Variants in PTPRM observed in about 807,000 individuals in gnomAD.
PTPRM encodes protein tyrosine phosphatase receptor type M, also known as receptor-type tyrosine-protein phosphatase mu.
Under a neutral mutation model 186.7 loss-of-function variants are expected in PTPRM, and 47 were observed. The ratio of observed to expected loss-of-function variants is 0.25; its 90% confidence interval spans 0.20 to 0.32. The LOEUF is 0.32. PTPRM is among the 10% of genes least tolerant of loss of function. PTPRM has a pLI of 1.00. For missense variants in PTPRM, 1,494 were observed against 1,865.0 expected, an observed-to-expected ratio of 0.80 and a Z score of 3.66; for synonymous variants, 668 against 674.9, an observed-to-expected ratio of 0.99 and a Z score of 0.16.
chr18:7,894,139 G>A (rs1262263451), intron 3 of PTPRM, among the ~76,000 whole-genome samples: 1 of 152,190 alleles, frequency 6.6e-6, no homozygotes, highest in African/African-American at 2.4e-5. Context: ...GATGCCTGTT[G>A]TAGTCTGATG....
intron 11 of PTPRM, among the ~76,000 whole-genome samples, chr18:8,094,546 A>C (rs1192631819): frequency 1.3e-5 from 2 of 152,164 alleles, no homozygotes; most frequent in Non-Finnish European, 2.9e-5. Context: ...CAGCCTGGGC[A>C]ACAAATTGAG....
intron 14 of PTPRM, among the ~76,000 whole-genome samples, chr18:8,189,334 A>G (rs1196045637): frequency 2.0e-5 from 3 of 152,022 alleles, no homozygotes; most frequent in Middle Eastern, 3.4e-3. Context: ...AAATGAAGAA[A>G]ACATCCCCTG....
chr18:7,743,393 A>G (rs2040921934), intron 1 of PTPRM, among the ~76,000 whole-genome samples: 1 of 152,222 alleles, frequency 6.6e-6, no homozygotes, highest in South Asian at 2.1e-4. Flanking sequence ...AGTCTTTCAC[A>G]ACAGTCTGAG....
chr18:7,836,231 G>A (rs1426127013), intron 2 of PTPRM, among the ~76,000 whole-genome samples: 1 of 151,956 alleles, frequency 6.6e-6, no homozygotes, highest in African/African-American at 2.4e-5. Flanking sequence ...ACCATTTAGT[G>A]TCTGGCTTTT....
intron 7 of PTPRM, among the ~76,000 whole-genome samples, chr18:7,984,628 C>T (rs1487611650): frequency 2.2e-5 from 3 of 133,714 alleles, no homozygotes; most frequent in Non-Finnish European, 4.7e-5. Context: ...CACACACACA[C>T]AAACCCCCAT....
intron 13 of PTPRM, among the ~76,000 whole-genome samples, chr18:8,121,441 T>C (rs2092168881): frequency 6.6e-6 from 1 of 152,230 alleles, no homozygotes; most frequent in Non-Finnish European, 1.5e-5. Flanking sequence ...TTTAATTTTC[T>C]ATTTTTTTTA....
chr18:8,055,243 C>G (rs1189445401), intron 7 of PTPRM, among the ~76,000 whole-genome samples: 1 of 152,146 alleles, frequency 6.6e-6, no homozygotes, highest in Non-Finnish European at 1.5e-5. Flanking sequence ...TGTTCTACTT[C>G]TGGAATGCCA....
In PTPRM at chr18:8,174,515, A is replaced by G. The variant is rs531475647; in HGVS notation, c.2300+30736A>G. 3.9e-5 allele frequency among the ~76,000 whole-genome samples: 6 copies of G among 152,320 alleles called. No individual in the cohort carries two copies. In the South Asian group the frequency reaches 1.2e-3, roughly 32 times the overall value. Reference sequence around the variant, plus strand: ...ATTGTAATATATTATAGTTGATTTGATGAAAGAATTATCAACCAAGCAGTA... The same window carrying G: ...ATTGTAATATATTATAGTTGATTTGGTGAAAGAATTATCAACCAAGCAGTA... On this transcript the variant is annotated intron_variant, in intron 14 of 32. Coordinates refer to ENST00000580170, the MANE Select transcript of PTPRM (RefSeq NM_001105244.2).
At chr18:7,656,335 A>G (rs1377175266) in intron 1 of PTPRM, among the ~76,000 whole-genome samples, 1 of 152,200 alleles carries the variant, frequency 6.6e-6, no homozygotes, top group Non-Finnish European at 1.5e-5. Flanking sequence ...CAAATTCCAA[A>G]TAATTTCACT....
intron 7 of PTPRM, among the ~76,000 whole-genome samples, chr18:8,021,317 GAC>G (rs35335855): frequency 0.043 from 6,211 of 142,868 alleles, 147 homozygotes; most frequent in South Asian, 0.058. Flanking sequence ...GCATAAAAGA[GAC>G]ACACACACAC....
chr18:7,715,750 A>G (rs773312786), intron 1 of PTPRM, among the ~76,000 whole-genome samples: 7 of 152,236 alleles, frequency 4.6e-5, no homozygotes, highest in Non-Finnish European at 1.0e-4. Flanking sequence ...GTGAATTTAC[A>G]TTCACAATTG....
At chr18:8,190,280 C>G (rs2146696972) in intron 14 of PTPRM, among the ~76,000 whole-genome samples, 1 of 152,284 alleles carries the variant, frequency 6.6e-6, no homozygotes, top group East Asian at 1.9e-4. Flanking sequence ...AGCCTCCCTC[C>G]CCACACAGCC....
chr18:8,011,049 T>C (rs2084497413), intron 7 of PTPRM, among the ~76,000 whole-genome samples: 4 of 152,120 alleles, frequency 2.6e-5, no homozygotes, highest in Admixed American at 2.6e-4. Flanking sequence ...TCAGGATATT[T>C]AGGATGAGGA....
intron 14 of PTPRM, among the ~76,000 whole-genome samples, chr18:8,239,722 A>G (rs1312960149): frequency 6.6e-6 from 1 of 152,154 alleles, no homozygotes; most frequent in East Asian, 1.9e-4. Context: ...CAAATCTAAG[A>G]AAAGTTATTA....
intron 11 of PTPRM, among the ~76,000 whole-genome samples, chr18:8,090,424 T>C (rs994481169): frequency 6.6e-6 from 1 of 152,160 alleles, no homozygotes; most frequent in Non-Finnish European, 1.5e-5. Flanking sequence ...GCCTCCAAAC[T>C]GAAGGAAGCT....
At chr18:7,706,957 A>T (rs1245956512) in intron 1 of PTPRM, among the ~76,000 whole-genome samples, 3 of 152,020 alleles carry the variant, frequency 2.0e-5, no homozygotes, top group Non-Finnish European at 2.9e-5. Flanking sequence ...ATACTTCCAG[A>T]TTGGGGGATA....
intron 14 of PTPRM, among the ~76,000 whole-genome samples, chr18:8,221,060 G>A (rs1278478044): frequency 2.0e-5 from 3 of 152,130 alleles, no homozygotes; most frequent in African/African-American, 7.2e-5. Context: ...TAGACTTGAA[G>A]TCTCTTTTTT....
At chr18:8,071,024 A>C (rs906451170) in intron 8 of PTPRM, among the ~76,000 whole-genome samples, 25 of 152,232 alleles carry the variant, frequency 1.6e-4, no homozygotes, top group African/African-American at 5.5e-4. Flanking sequence ...GAAGAAAAAC[A>C]TAGAAATAGC....
rs56724615 is a variant in PTPRM, at chr18:7,884,924, C to CAAAAAAAAA, written c.197-3163_197-3155dup. Among the ~76,000 whole-genome samples the CAAAAAAAAA allele has an allele frequency of 2.0e-3, 75 of 37,840 alleles. 4 individuals are homozygous for CAAAAAAAAA. Among genetic ancestry groups the CAAAAAAAAA allele is most frequent in the Non-Finnish European group, 2.8e-3 (58 of 21,008 alleles). The allele number at this position is 37,840 out of a possible 152,430, so 24.8% of individuals were successfully genotyped here. A position where few individuals can be genotyped will look rare whatever the true frequency, so the allele number is the denominator to read the frequency against. On this transcript the variant is annotated intron_variant, in intron 2 of 32. Coordinates refer to ENST00000580170, the MANE Select transcript of PTPRM (RefSeq NM_001105244.2). Reference sequence around the variant, plus strand: ...GGGCGACGAGAGCAAAGCTCCATCTCAAAAAAAAAAAAAAAAAAAAAAAAA... The same window carrying CAAAAAAAAA: ...GGGCGACGAGAGCAAAGCTCCATCTCAAAAAAAAAAAAAAAAAAAAAAAAAAAAAAAAAA...
Sources: gnomAD v4.1 joint callset for allele counts (sites outside exome capture counted in the v4.1 genomes callset) on GRCh38, gnomAD v4.1.1 for gene constraint, MANE v1.5 for transcripts, NCBI Gene and HGNC (gene_info 2026-07-23, HGNC 2026-07-21) for gene names.